MTRFR: variants seen among roughly 807,000 people sequenced by gnomAD.
MTRFR encodes probable peptide chain release factor C12orf65, mitochondrial.
MTRFR carries 10 observed loss-of-function variants against 11.9 expected under a neutral mutation model. The observed-to-expected ratio is 0.84, with a 90% CI of 0.52 to 1.42. The LOEUF is 1.42. MTRFR is among the 40% of genes most tolerant of loss of function. The pLI is 0.00. For synonymous variants in MTRFR, 77 were observed against 79.1 expected, an observed-to-expected ratio of 0.97 and a Z score of 0.14; for missense variants, 196 against 197.9, an observed-to-expected ratio of 0.99 and a Z score of 0.06.
At chr12:123,238,640 AGT>A (rs1306148626) in intron 1 of MTRFR, among the ~76,000 whole-genome samples, 1 of 152,128 alleles carries the variant, frequency 6.6e-6, no homozygotes, top group Non-Finnish European at 1.5e-5. Flanking sequence ...AGCTTTTAAA[AGT>A]GTCTGTCCTA....
intron 1 of MTRFR, among the ~76,000 whole-genome samples, chr12:123,246,090 C>T (rs1189218123): frequency 6.6e-6 from 1 of 152,132 alleles, no homozygotes; most frequent in East Asian, 1.9e-4. Context: ...GACAGTCTCG[C>T]TCTGTCACCC....
chr12:123,255,750 G>A (rs983162281), intron 2 of MTRFR, among the ~76,000 whole-genome samples: 4 of 152,092 alleles, frequency 2.6e-5, no homozygotes, highest in Non-Finnish European at 4.4e-5. Flanking sequence ...TCAGCCTCCC[G>A]AGTAGCTGGG....
At chr12:123,235,468 C>T (rs1356362601) in intron 1 of MTRFR, among the ~76,000 whole-genome samples, 2 of 151,952 alleles carry the variant, frequency 1.3e-5, no homozygotes, top group Non-Finnish European at 2.9e-5. Flanking sequence ...AGGTTCACGC[C>T]ATTCTCCTGC....
chr12:123,256,972 AC>A lies in MTRFR; in HGVS notation c.445del (p.Leu149TrpfsTer27). The A allele has an allele frequency of 6.2e-7, 1 of 1,612,394 alleles. No individual in the cohort carries two copies. Among genetic ancestry groups the A allele is most frequent in the Non-Finnish European group, 8.5e-7 (1 of 1,179,716 alleles). ...AGAAAGGAAAAAAAGAGCAAAGGAAACCCTGGAAAAAAAGAAGCTACTTAAA... is the reference window on the plus strand; with the variant it reads ...AGAAAGGAAAAAAAGAGCAAAGGAAACCTGGAAAAAAAGAAGCTACTTAAA... Reference protein sequence around the residue: ...KQERKKRAKETLEKKKLLKEL... With the variant: ...KQERKKRAKEXLEKKKLLKEL... On this transcript the variant is annotated frameshift_variant, in exon 3 of 3. Coordinates refer to ENST00000253233, the MANE Select transcript of MTRFR (RefSeq NM_152269.5). LOFTEE classifies it high-confidence loss of function.
rs770106492 is a variant in MTRFR, at chr12:123,257,629, T to C, written c.*598T>C. 4 of 154,896 alleles carry C rather than the reference T, an allele frequency of 2.6e-5. No individual in the cohort carries two copies. The highest frequency in any genetic ancestry group is 4.8e-5 in the African/African-American group (2 of 41,560). 9.6% of individuals were successfully genotyped at this position (154,896 alleles called of 1,614,324 possible). ...ATCACCTGAGCCCAGGAGCTCAAGATTGCAGTGAGCTATGAACACCACTGC... is the reference window on the plus strand; with the variant it reads ...ATCACCTGAGCCCAGGAGCTCAAGACTGCAGTGAGCTATGAACACCACTGC... On this transcript the variant is annotated 3_prime_UTR_variant, in exon 3 of 3. Transcript: ENST00000253233.
chr12:123,248,349 G>A (rs1433188882), intron 1 of MTRFR: 1 of 152,226 alleles, frequency 6.6e-6, no homozygotes, highest in East Asian at 1.9e-4. Context: ...AATCTGATAG[G>A]TTTTCCTTTA....
rs181026106 is a variant in MTRFR at position 123,246,762 on chromosome 12, G to A, written c.-28-6885G>A. Among the ~76,000 whole-genome samples the A allele has an allele frequency of 1.6e-3, 181 of 115,946 alleles. 1 individual carries two copies. Among genetic ancestry groups the A allele is most frequent in the African/African-American group, 6.9e-3 (169 of 24,388 alleles). The allele number at this position is 115,946 out of a possible 152,430, so 76.1% of individuals were successfully genotyped here. On this transcript the variant is annotated intron_variant, in intron 1 of 2. Transcript: ENST00000253233. ...TTTTTTTTTTTTGAGATGGAATCTC[G>A]CTCTGTCGCCCAGGCTGGAGTGCAG... is the stretch of plus-strand genomic sequence containing the variant.
At chr12:123,253,078 T>TG in intron 1 of MTRFR, among the ~76,000 whole-genome samples, 1 of 69,022 alleles carries the variant, frequency 1.4e-5, no homozygotes, top group Non-Finnish European at 3.4e-5. Context: ...GAATTTTTTT[T>TG]TTTTTTTTTT....
At chr12:123,243,152 C>T (rs2047969451) in intron 1 of MTRFR, among the ~76,000 whole-genome samples, 1 of 152,250 alleles carries the variant, frequency 6.6e-6, no homozygotes, top group African/African-American at 2.4e-5. Flanking sequence ...GTTTTTAAAG[C>T]ACCACTTTCC....
At chr12:123,233,827 G>C (rs993244136) in intron 1 of MTRFR, 5 of 152,944 alleles carry the variant, frequency 3.3e-5, no homozygotes, top group African/African-American at 1.2e-4. Flanking sequence ...TTCCACGGAG[G>C]CCCAAGGCGA....
At chr12:123,255,235 A>C (rs1382307850) in intron 2 of MTRFR, among the ~76,000 whole-genome samples, 1 of 152,156 alleles carries the variant, frequency 6.6e-6, no homozygotes, top group Non-Finnish European at 1.5e-5. Context: ...TAGTCAGTTC[A>C]CACCATACCC....
chr12:123,233,575 G>A (rs1355118897), intron 1 of MTRFR, 44 bp downstream of exon 1: 1 of 152,244 alleles, frequency 6.6e-6, no homozygotes, highest in Non-Finnish European at 1.5e-5. Flanking sequence ...GGCTGCCGAC[G>A]ACTGTCAAAG....
intron 1 of MTRFR, among the ~76,000 whole-genome samples, chr12:123,244,690 T>G (rs930156140): frequency 6.6e-6 from 1 of 151,962 alleles, no homozygotes; most frequent in Non-Finnish European, 1.5e-5. Context: ...TGGAGTGCAA[T>G]GGTGTGATTT....
At chr12:123,251,768 A>AG (rs1476352526) in intron 1 of MTRFR, among the ~76,000 whole-genome samples, 4 of 152,196 alleles carry the variant, frequency 2.6e-5, no homozygotes, top group Non-Finnish European at 5.9e-5. Flanking sequence ...TTGTTCTTGC[A>AG]GTTGATCTAG....
intron 1 of MTRFR, chr12:123,250,284 T>C (rs1818477632): frequency 6.6e-6 from 1 of 152,246 alleles, no homozygotes; most frequent in South Asian, 2.1e-4. Flanking sequence ...TCACTTCTTG[T>C]ATCATTTTTT....
At chr12:123,235,638 C>G (rs1333609258) in intron 1 of MTRFR, among the ~76,000 whole-genome samples, 2 of 151,348 alleles carry the variant, frequency 1.3e-5, no homozygotes, top group African/African-American at 4.9e-5. Context: ...TCCCACGGTG[C>G]TGGGATTACA....
intron 1 of MTRFR, among the ~76,000 whole-genome samples, chr12:123,246,958 C>T (rs1368002105): frequency 4.0e-5 from 6 of 151,294 alleles, no homozygotes; most frequent in South Asian, 4.2e-4. Context: ...CTCAATCTCC[C>T]GACCTTGTGA....
At chr12:123,242,302 A>C (rs1295876321) in intron 1 of MTRFR, among the ~76,000 whole-genome samples, 1 of 152,158 alleles carries the variant, frequency 6.6e-6, no homozygotes, top group Non-Finnish European at 1.5e-5. Flanking sequence ...CTCACGTTTG[A>C]AGAAGGGAAC....
Position 123,256,875 on chromosome 12 carries a change from A to G in MTRFR, c.345A>G (p.Lys115=). 3 of 1,614,066 alleles carry G rather than the reference A, an allele frequency of 1.9e-6. No individual in the cohort carries two copies. The highest frequency in any genetic ancestry group is 2.5e-6 in the Non-Finnish European group (3 of 1,179,928). ...RKLARKILQE[K]VDVFYNGENS... is the part of the protein sequence containing the mutation. ...TAGCTCGGAAAATCCTACAAGAGAA[A>G]GTAGATGTTTTCTACAATGGTGAAA... Residue 115 remains lysine, a synonymous_variant, in exon 3 of 3, where the codon AAA becomes AAG. Transcript: ENST00000253233.
Sources: allele counts gnomAD v4.1 joint callset (sites outside exome capture counted in the v4.1 genomes callset), GRCh38; gene constraint gnomAD v4.1.1; transcripts MANE v1.5; gene names NCBI Gene and HGNC (gene_info 2026-07-23, HGNC 2026-07-21).